RPS6KC1: variants seen among roughly 807,000 people sequenced by gnomAD.
RPS6KC1 encodes the protein ribosomal protein S6 kinase C1.
In RPS6KC1, 54 loss-of-function variants were observed where a neutral mutation model predicts 103.8. The observed-to-expected ratio is 0.52, with a 90% CI of 0.42 to 0.65. The LOEUF is 0.65. Ranked by LOEUF, RPS6KC1 falls within the 30% of genes least tolerant of loss-of-function variation. RPS6KC1 has a pLI of 0.00. For synonymous variants in RPS6KC1, 439 were observed against 438.7 expected (o/e 1.00, Z -0.01); for missense variants, 1,151 against 1,253.8 (o/e 0.92, Z 1.24).
At chr1:213,827,192 C>A in the RPS6KC1 span, among the ~76,000 whole-genome samples, 4 of 152,128 alleles carry the variant, frequency 2.6e-5, no homozygotes, top group African/African-American at 9.7e-5. Context: ...TGTTATTGAA[C>A]CTCCACAGTC....
At chr1:213,161,689 A>C (rs770079333) in intron 6 of RPS6KC1, among the ~76,000 whole-genome samples, 8 of 152,204 alleles carry the variant, frequency 5.3e-5, no homozygotes, top group Non-Finnish European at 8.8e-5. Flanking sequence ...AAAAAGATGA[A>C]ATGGAGTCTA....
At chr1:213,552,074 G>A in the RPS6KC1 span, among the ~76,000 whole-genome samples, 1 of 152,184 alleles carries the variant, frequency 6.6e-6, no homozygotes, top group Admixed American at 6.5e-5. Flanking sequence ...CTATCTGGGT[G>A]TACCACAGGT....
chr1:213,518,727 G>A, the RPS6KC1 span, among the ~76,000 whole-genome samples: 5 of 152,210 alleles, frequency 3.3e-5, no homozygotes, highest in African/African-American at 1.2e-4. Context: ...ACACTCATCA[G>A]CTGGAATGAG....
At chr1:213,318,734 A>C in the RPS6KC1 span, among the ~76,000 whole-genome samples, 3 of 152,166 alleles carry the variant, frequency 2.0e-5, no homozygotes, top group African/African-American at 7.2e-5. Context: ...GAACCATCAG[A>C]TCTCGTGAGA....
intron 3 of RPS6KC1, among the ~76,000 whole-genome samples, chr1:213,080,520 A>G (rs2079772513): frequency 6.6e-6 from 1 of 152,182 alleles, no homozygotes; most frequent in African/African-American, 2.4e-5. Context: ...GTCATAATTA[A>G]GCTCGTAATG....
At chr1:213,745,858 A>ACC in the RPS6KC1 span, among the ~76,000 whole-genome samples, 722 of 152,170 alleles carry the variant, frequency 4.7e-3, 8 homozygotes, top group Non-Finnish European at 5.6e-3. Flanking sequence ...ACACCACCAC[A>ACC]AGGAGAGGGG....
chr1:213,165,625 A>G (rs1021900598), intron 6 of RPS6KC1, among the ~76,000 whole-genome samples: 3 of 152,062 alleles, frequency 2.0e-5, no homozygotes, highest in East Asian at 1.9e-4. Flanking sequence ...GGGTTTCACC[A>G]TGTTAGCCAG....
the RPS6KC1 span, among the ~76,000 whole-genome samples, chr1:213,406,877 T>C: frequency 6.6e-6 from 1 of 152,160 alleles, no homozygotes; most frequent in South Asian, 2.1e-4. Context: ...TGAGAGGGCA[T>C]GATTATCGTC....
At chr1:213,296,876 G>A in the RPS6KC1 span, among the ~76,000 whole-genome samples, 1 of 152,158 alleles carries the variant, frequency 6.6e-6, no homozygotes, top group African/African-American at 2.4e-5. Context: ...TTTTTTAAAG[G>A]TGCTTACTAC....
chr1:213,280,689 A>C, the RPS6KC1 span, among the ~76,000 whole-genome samples: 1 of 152,168 alleles, frequency 6.6e-6, no homozygotes, highest in African/African-American at 2.4e-5. Flanking sequence ...GTGTGGGGTG[A>C]GGGGAATGTG....
intron 1 of RPS6KC1, among the ~76,000 whole-genome samples, chr1:213,059,874 T>C (rs1460344421): frequency 6.6e-6 from 1 of 152,220 alleles, no homozygotes; most frequent in Admixed American, 6.5e-5. Context: ...GGTTTCATCA[T>C]GTTGACCAGG....
At chr1:213,167,501 C>T (rs1194599376) in intron 6 of RPS6KC1, among the ~76,000 whole-genome samples, 3 of 140,868 alleles carry the variant, frequency 2.1e-5, no homozygotes, top group African/African-American at 7.8e-5. Flanking sequence ...ACAGCTGTTG[C>T]ATTTGGTCCT....
chr1:213,712,576 G>A, the RPS6KC1 span, among the ~76,000 whole-genome samples: 1 of 152,182 alleles, frequency 6.6e-6, no homozygotes, highest in Non-Finnish European at 1.5e-5. Flanking sequence ...AAAAACTCCT[G>A]CAGCTAGCTT....
At chr1:213,633,767 G>T in the RPS6KC1 span, among the ~76,000 whole-genome samples, 4 of 150,072 alleles carry the variant, frequency 2.7e-5, no homozygotes, top group South Asian at 2.1e-4. Context: ...TGGATAAAGC[G>T]TCAAGACCCA....
At chr1:213,667,791 T>C in the RPS6KC1 span, among the ~76,000 whole-genome samples, 1 of 152,224 alleles carries the variant, frequency 6.6e-6, no homozygotes, top group Non-Finnish European at 1.5e-5. Context: ...AATAAGTTTG[T>C]GGAATATTAT....
intron 8 of RPS6KC1, among the ~76,000 whole-genome samples, chr1:213,211,069 C>T (rs2093491115): frequency 6.6e-6 from 1 of 152,188 alleles, no homozygotes; most frequent in African/African-American, 2.4e-5. Context: ...TAGTTTACAT[C>T]AGCATCAGAG....
chr1:213,122,972 T>C (rs1353859875), intron 5 of RPS6KC1, among the ~76,000 whole-genome samples: 1 of 152,076 alleles, frequency 6.6e-6, no homozygotes, highest in Non-Finnish European at 1.5e-5. Flanking sequence ...GAGGATAATA[T>C]TGGATATTAG....
At chr1:213,849,535 C>T in the RPS6KC1 span, among the ~76,000 whole-genome samples, 3 of 152,174 alleles carry the variant, frequency 2.0e-5, no homozygotes, top group East Asian at 5.8e-4. Flanking sequence ...TACTTTTCAG[C>T]TCTCTGGTGG....
chr1:213,584,104 G>GT, the RPS6KC1 span, among the ~76,000 whole-genome samples: 3 of 152,166 alleles, frequency 2.0e-5, no homozygotes, highest in South Asian at 2.1e-4. Flanking sequence ...GAGTTCTGAT[G>GT]TTTTTTCAAG....
Sources: gnomAD v4.1 joint callset for allele counts (sites outside exome capture counted in the v4.1 genomes callset) on GRCh38, gnomAD v4.1.1 for gene constraint, MANE v1.5 for transcripts, NCBI Gene and HGNC (gene_info 2026-07-23, HGNC 2026-07-21) for gene names.